Variants in ITPR2 observed in about 807,000 individuals in gnomAD.
ITPR2 encodes the protein inositol 1,4,5-trisphosphate-gated calcium channel ITPR2.
A neutral mutation model predicts 317.1 loss-of-function variants in ITPR2; 207 were observed. That is an observed-to-expected ratio of 0.65 (90% CI 0.58 to 0.73). The LOEUF is 0.73. Ranked by LOEUF, ITPR2 falls within the 30% of genes least tolerant of loss-of-function variation. The pLI is 0.00. For missense variants in ITPR2, 2,613 were observed against 3,284.0 expected, an observed-to-expected ratio of 0.80 and a Z score of 4.99; for synonymous variants, 1,156 against 1,149.1, an observed-to-expected ratio of 1.01 and a Z score of -0.12.
intron 2 of ITPR2, among the ~76,000 whole-genome samples, chr12:26,775,959 T>TATATATATATATATATACATA (rs1263788006): frequency 6.9e-6 from 1 of 145,084 alleles, no homozygotes; most frequent in Non-Finnish European, 1.5e-5. Context: ...TATATGTATA[T>TATATATATATATATATACATA]CCTATTAGTT....
At chr12:26,409,826 C>T (rs149217511) in intron 52 of ITPR2, among the ~76,000 whole-genome samples, 66 of 152,210 alleles carry the variant, frequency 4.3e-4, no homozygotes, top group South Asian at 3.7e-3. Flanking sequence ...AGAGATCTTC[C>T]GGGCAAAGAC....
At chr12:26,495,437 T>C (rs1031592685) in intron 37 of ITPR2, 177 bp from the exon 38 acceptor site, 1 of 530,924 alleles carries the variant, frequency 1.9e-6, no homozygotes, top group Non-Finnish European at 3.3e-6. Context: ...AATAAAATAA[T>C]CATTTTGCTT....
intron 10 of ITPR2, among the ~76,000 whole-genome samples, chr12:26,689,353 C>T (rs776799638): frequency 1.2e-4 from 18 of 151,910 alleles, no homozygotes; most frequent in South Asian, 4.2e-4. Context: ...GAGGTCGAGG[C>T]CACAGTGAGC....
Position 26,667,436 on chromosome 12 carries a change from C to A in ITPR2, c.1410-1385G>T, listed in dbSNP as rs555421403. Among the ~76,000 whole-genome samples, 5 of 152,278 alleles carry A rather than the reference C, an allele frequency of 3.3e-5. No individual in the cohort carries two copies. The South Asian group carries it at 6.2e-4, about 19-fold the overall frequency. On this transcript the variant is annotated intron_variant, in intron 13 of 56. Transcript: ENST00000381340. ...TTGGTATGCCTATTTTAAATTGTAACCCAGTCTGTTTCTTTTGGAAAATTG... is the reference window on the plus strand; with the variant it reads ...TTGGTATGCCTATTTTAAATTGTAAACCAGTCTGTTTCTTTTGGAAAATTG...
At chr12:26,352,231 G>A (rs1243912879) in intron 55 of ITPR2, among the ~76,000 whole-genome samples, 1 of 152,208 alleles carries the variant, frequency 6.6e-6, no homozygotes, top group Non-Finnish European at 1.5e-5. Flanking sequence ...TTTTCATATG[G>A]AACAACAGAT....
Position 26,469,015 on chromosome 12 carries a change from C to T in ITPR2, c.6342+6281G>A, listed in dbSNP as rs76965395. ...TTGCCTGGACTGTCTTCCTCTATCCCTCTCTTTCAAGATTTAGTTCAAATG... is the reference window on the plus strand; with the variant it reads ...TTGCCTGGACTGTCTTCCTCTATCCTTCTCTTTCAAGATTTAGTTCAAATG... On this transcript the variant is annotated intron_variant, in intron 45 of 56. Transcript: ENST00000381340. Among the ~76,000 whole-genome samples, 111 of 152,298 alleles carry T rather than the reference C, an allele frequency of 7.3e-4. No individual in the cohort carries two copies. The East Asian group carries it at 0.02, about 28-fold the overall frequency.
chr12:26,389,986 G>T (rs978731607), intron 54 of ITPR2, among the ~76,000 whole-genome samples: 5 of 152,146 alleles, frequency 3.3e-5, no homozygotes, highest in Non-Finnish European at 5.9e-5. Flanking sequence ...GGTCCCAAAA[G>T]CTCGGAATGA....
At chr12:26,468,518 C>G (rs1298928462) in intron 45 of ITPR2, among the ~76,000 whole-genome samples, 1 of 150,284 alleles carries the variant, frequency 6.7e-6, no homozygotes, top group East Asian at 1.9e-4. Flanking sequence ...TTCCTTCAAA[C>G]TCTTCTAGAG....
chr12:26,449,102 T>C (rs1485128657), intron 45 of ITPR2, among the ~76,000 whole-genome samples: 1 of 152,160 alleles, frequency 6.6e-6, no homozygotes, highest in Non-Finnish European at 1.5e-5. Context: ...TTCAATGACA[T>C]TCAATAATAA....
intron 45 of ITPR2, among the ~76,000 whole-genome samples, chr12:26,456,272 GGTT>G (rs1302172877): frequency 6.6e-6 from 1 of 152,198 alleles, no homozygotes; most frequent in Non-Finnish European, 1.5e-5. Context: ...AGTGACCTCT[GGTT>G]GTCCTTACTG....
At chr12:26,414,444 A>G (rs1028337802) in intron 51 of ITPR2, among the ~76,000 whole-genome samples, 1 of 152,198 alleles carries the variant, frequency 6.6e-6, no homozygotes. Flanking sequence ...GAGGAGAAAG[A>G]GTGTCATATT....
At chr12:26,504,614 G>A (rs1027226189) in intron 37 of ITPR2, among the ~76,000 whole-genome samples, 18 of 152,168 alleles carry the variant, frequency 1.2e-4, no homozygotes, top group African/African-American at 4.3e-4. Flanking sequence ...GTGTTGAAGA[G>A]GACATGGATC....
intron 9 of ITPR2, among the ~76,000 whole-genome samples, chr12:26,709,696 AAC>A (rs1565709440): frequency 6.6e-6 from 1 of 152,228 alleles, no homozygotes; most frequent in Non-Finnish European, 1.5e-5. Flanking sequence ...AAGAGCCACT[AAC>A]ATAAGAGAAT....
intron 55 of ITPR2, among the ~76,000 whole-genome samples, chr12:26,377,439 T>A (rs1939378888): frequency 6.6e-6 from 1 of 152,228 alleles, no homozygotes; most frequent in Non-Finnish European, 1.5e-5. Context: ...TTCATTGTCC[T>A]GCATTTTCAA....
At chr12:26,471,900 G>A (rs1055932028) in intron 45 of ITPR2, among the ~76,000 whole-genome samples, 1 of 152,232 alleles carries the variant, frequency 6.6e-6, no homozygotes, top group Non-Finnish European at 1.5e-5. Context: ...CACTTCTGAA[G>A]CAGTGCTTAC....
At chr12:26,427,432 T>C (rs1353010260) in intron 49 of ITPR2, among the ~76,000 whole-genome samples, 1 of 152,186 alleles carries the variant, frequency 6.6e-6, no homozygotes, top group Non-Finnish European at 1.5e-5. Context: ...ATGACTTTCA[T>C]CAGTTTATAA....
chr12:26,494,323 C>T lies in ITPR2; in HGVS notation c.5200G>A (p.Asp1734Asn). ...AQVGGSFSGQ[D>N]SDKMGISMSD... ...ATTGATATCCCCATCTTATCTGAAT[C>T]TTGTCCAGAAAAGCTTCCTGTGATT... is the stretch of plus-strand genomic sequence containing the variant. The change falls in exon 39 of 57, where the codon GAT (aspartate) becomes AAT (asparagine). Residue 1734 changes from aspartate (D) to asparagine (N), a missense_variant. Physicochemically the swap from Asp to Asn is conservative, Grantham distance 23. This residue lies in a region of ITPR2 where 926 missense variants were observed against 1,072.8 expected (regional missense o/e 0.86). Transcript: ENST00000381340. 1 of 1,605,224 alleles carries T rather than the reference C, an allele frequency of 6.2e-7. No individual in the cohort carries two copies. Among genetic ancestry groups the T allele is most frequent in the South Asian group, 1.1e-5 (1 of 88,770 alleles).
intron 2 of ITPR2, among the ~76,000 whole-genome samples, chr12:26,783,904 G>T (rs1950142206): frequency 6.6e-6 from 1 of 152,100 alleles, no homozygotes; most frequent in Non-Finnish European, 1.5e-5. Flanking sequence ...ACTAAGACCG[G>T]GTCACAGAAT....
intron 47 of ITPR2, among the ~76,000 whole-genome samples, chr12:26,437,860 G>A (rs1941392460): frequency 6.6e-6 from 1 of 152,164 alleles, no homozygotes; most frequent in South Asian, 2.1e-4. Context: ...GGAGTGCAGT[G>A]TTGCAACCTC....
Sources: gnomAD v4.1 joint callset for allele counts (sites outside exome capture counted in the v4.1 genomes callset) on GRCh38, gnomAD v4.1.1 for gene constraint, gnomAD v4.1.1 regional missense constraint, MANE v1.5 for transcripts, NCBI Gene and HGNC (gene_info 2026-07-23, HGNC 2026-07-21) for gene names.